The following MFHAS1 variants were observed in gnomAD, a reference collection of about 807,000 sequenced individuals.
MFHAS1 encodes the protein malignant fibrous histiocytoma-amplified sequence 1.
MFHAS1 carries 50 observed loss-of-function variants against 70.4 expected under a neutral mutation model. That is an observed-to-expected ratio of 0.71 (90% CI 0.57 to 0.90). The LOEUF (loss-of-function observed/expected upper bound fraction) is 0.90. MFHAS1 is among the 40% of genes least tolerant of loss of function. MFHAS1 has a pLI of 0.00. For missense variants in MFHAS1, 1,795 were observed against 1,347.6 expected, an observed-to-expected ratio of 1.33 and a Z score of -5.20; for synonymous variants, 952 against 620.0, an observed-to-expected ratio of 1.54 and a Z score of -7.96.
intron 2 of MFHAS1, among the ~76,000 whole-genome samples, chr8:8,796,278 A>G (rs1228073495): frequency 1.3e-5 from 2 of 152,170 alleles, no homozygotes; most frequent in African/African-American, 2.4e-5. Flanking sequence ...TGACTCCGCA[A>G]TCAGAACCAT....
intron 2 of MFHAS1, among the ~76,000 whole-genome samples, chr8:8,793,786 A>C (rs1805797703): frequency 1.3e-5 from 2 of 152,244 alleles, no homozygotes; most frequent in South Asian, 4.1e-4. Context: ...GAACCATCAG[A>C]AAGTCGTGTA....
intron 1 of MFHAS1, among the ~76,000 whole-genome samples, chr8:8,863,505 T>A (rs953215555): frequency 3.9e-5 from 6 of 152,198 alleles, no homozygotes; most frequent in African/African-American, 1.4e-4. Context: ...CTGTTACCTA[T>A]ATTTATTACC....
intron 1 of MFHAS1, among the ~76,000 whole-genome samples, chr8:8,813,246 G>C (rs1165733179): frequency 2.0e-5 from 3 of 152,238 alleles, no homozygotes; most frequent in Non-Finnish European, 4.4e-5. Context: ...TAAAATGCTA[G>C]CACATACAAT....
At chr8:8,888,907 G>A (rs1325231205) in intron 1 of MFHAS1, among the ~76,000 whole-genome samples, 1 of 151,866 alleles carries the variant, frequency 6.6e-6, no homozygotes, top group Non-Finnish European at 1.5e-5. Context: ...TACTGCTCTG[G>A]TGGGAGATGT....
intron 2 of MFHAS1, among the ~76,000 whole-genome samples, chr8:8,793,990 C>G (rs966671731): frequency 6.6e-6 from 1 of 152,058 alleles, no homozygotes; most frequent in Non-Finnish European, 1.5e-5. Flanking sequence ...GAGTTCGAGA[C>G]CAGCCCAGCC....
intron 1 of MFHAS1, among the ~76,000 whole-genome samples, chr8:8,855,828 C>G (rs531903985): frequency 6.6e-6 from 1 of 152,170 alleles, no homozygotes; most frequent in African/African-American, 2.4e-5. Context: ...TGCACTCCAG[C>G]TTCGGCAACA....
intron 1 of MFHAS1, among the ~76,000 whole-genome samples, chr8:8,867,533 A>G (rs1408313032): frequency 6.6e-6 from 1 of 152,058 alleles, no homozygotes; most frequent in Non-Finnish European, 1.5e-5. Context: ...CAATAAGCTA[A>G]TGATAATTCA....
Position 8,797,500 on chromosome 8 carries a change from GGA to G in MFHAS1, c.2999-11_2999-10del. On this transcript the variant is annotated splice_polypyrimidine_tract_variant and intron_variant, in intron 1 of 2. Coordinates refer to ENST00000276282, the MANE Select transcript of MFHAS1 (RefSeq NM_004225.3). ...CTGACTCAGCAACTCCCCTGTAGGA[GGA>G]GAGAGAAAAACGTGTTAGGGAGATG... 8.7e-6 allele frequency: 14 copies of G among 1,611,970 alleles called. No homozygotes were observed. The highest frequency in any genetic ancestry group is 1.2e-5 in the Non-Finnish European group (14 of 1,178,642).
In MFHAS1 at chr8:8,892,716, C is replaced by A; in HGVS notation, c.343G>T (p.Glu115Ter). 1 of 1,310,360 alleles carries A rather than the reference C, an allele frequency of 7.6e-7. No individual in the cohort carries two copies. The highest frequency in any genetic ancestry group is 1.0e-6 in the Non-Finnish European group (1 of 976,144). The allele number at this position is 1,310,360 out of a possible 1,614,324, so 81.2% of individuals were successfully genotyped here. A position where few individuals can be genotyped will look rare whatever the true frequency, so the allele number is the denominator to read the frequency against. ...AGCCGGTTGTGGCTCACGTCCAGCT[C>A]GGTGAGGTGGTGGCCGAGCTCGGCC... ...AVAELGHHLT[E>*]LDVSHNRLTA... Residue 115 changes from glutamate to a stop codon, truncating the protein, a stop_gained, in exon 1 of 3, where the codon GAG (glutamate) becomes TAG (stop). Coordinates refer to ENST00000276282, the MANE Select transcript of MFHAS1 (RefSeq NM_004225.3). LOFTEE classifies it high-confidence loss of function. This position sits in a 1 kb window ranked among gnomAD's most constrained non-coding sequence, Gnocchi z 4.7.
At chr8:8,802,012 C>G (rs181403757) in intron 1 of MFHAS1, among the ~76,000 whole-genome samples, 24 of 152,316 alleles carry the variant, frequency 1.6e-4, no homozygotes, top group Admixed American at 1.4e-3. Context: ...ACCTTACCAT[C>G]ATGGTGTAAT....
rs746323524 is a variant in MFHAS1, at chr8:8,786,003, A to T, written c.*19T>A. ...TCAGATGCTCTCTTTTCTCCATGGA[A>T]ATTCCACAGCCACAAACGTCACTGG... is the stretch of plus-strand genomic sequence containing the variant. On this transcript the variant is annotated 3_prime_UTR_variant, in exon 3 of 3. Transcript: ENST00000276282. 1.9e-6 allele frequency: 3 copies of T among 1,613,806 alleles called. No individual in the cohort carries two copies. The African/African-American group carries it at 4.0e-5, about 22-fold the overall frequency.
At chr8:8,879,914 C>T (rs533156087) in intron 1 of MFHAS1, among the ~76,000 whole-genome samples, 1 of 152,366 alleles carries the variant, frequency 6.6e-6, no homozygotes, top group East Asian at 1.9e-4. Flanking sequence ...ACTCTACCTT[C>T]ATTAGGTCTT....
Position 8,892,908 on chromosome 8 carries a change from G to C in MFHAS1, c.151C>G (p.Pro51Ala), listed in dbSNP as rs1299952695. 1 of 1,567,960 alleles carries C rather than the reference G, an allele frequency of 6.4e-7. No individual in the cohort carries two copies. The change falls in exon 1 of 3, where the codon CCC becomes GCC. Residue 51 changes from proline (P) to alanine (A), a missense_variant. Transcript: ENST00000276282. This position sits in a 1 kb window ranked among gnomAD's most constrained non-coding sequence, Gnocchi z 4.7. ...PGAGADALES[P>A]ASPQLVLPAN... ...GGCAGCACGAGCTGGGGGGAGGCGG[G>C]GGACTCGAGCGCGTCGGCCCCGGCC... is the stretch of plus-strand genomic sequence containing the variant.
chr8:8,833,761 G>A (rs532265685), intron 1 of MFHAS1, among the ~76,000 whole-genome samples: 2 of 152,256 alleles, frequency 1.3e-5, no homozygotes, highest in African/African-American at 4.8e-5. Flanking sequence ...TGTTCATAGT[G>A]ACTTTATTCA....
chr8:8,807,892 T>C (rs1481861600), intron 1 of MFHAS1, among the ~76,000 whole-genome samples: 1 of 152,258 alleles, frequency 6.6e-6, no homozygotes, highest in African/African-American at 2.4e-5. Flanking sequence ...TATATAGTGA[T>C]ATATTTAGAT....
chr8:8,871,326 G>C (rs1809067845), intron 1 of MFHAS1, among the ~76,000 whole-genome samples: 1 of 152,182 alleles, frequency 6.6e-6, no homozygotes, highest in African/African-American at 2.4e-5. Context: ...GAGGGGGCTG[G>C]ATCACTTGAG....
chr8:8,811,296 G>C (rs1269684392), intron 1 of MFHAS1, among the ~76,000 whole-genome samples: 1 of 149,946 alleles, frequency 6.7e-6, no homozygotes, highest in Non-Finnish European at 1.5e-5. Context: ...AATTATAATT[G>C]CAAACCAGAA....
At chr8:8,801,070 T>C (rs1806068856) in intron 1 of MFHAS1, among the ~76,000 whole-genome samples, 1 of 151,962 alleles carries the variant, frequency 6.6e-6, no homozygotes, top group African/African-American at 2.4e-5. Flanking sequence ...AAAAAATTAG[T>C]GGGGCGTGGT....
chr8:8,842,405 C>T (rs1199935316), intron 1 of MFHAS1, among the ~76,000 whole-genome samples: 1 of 152,018 alleles, frequency 6.6e-6, no homozygotes, highest in Non-Finnish European at 1.5e-5. Context: ...AGGCTGATCT[C>T]GAACTCCTGA....
Sources: allele counts gnomAD v4.1 joint callset (sites outside exome capture counted in the v4.1 genomes callset), GRCh38; gene constraint gnomAD v4.1.1; non-coding constraint Gnocchi (gnomAD v3.1); transcripts MANE v1.5; gene names NCBI Gene and HGNC (gene_info 2026-07-23, HGNC 2026-07-21).